Variants in MALRD1 observed in about 807,000 individuals in gnomAD.
The protein encoded by MALRD1 is MAM and LDL-receptor class A domain-containing protein 1.
MALRD1 carries 247 observed loss-of-function variants against 242.1 expected under a neutral mutation model. That is an observed-to-expected ratio of 1.02 (90% CI 0.92 to 1.13). The LOEUF (loss-of-function observed/expected upper bound fraction) is 1.13. MALRD1 is among the 50% of genes most tolerant of loss of function. MALRD1 has a pLI of 0.00. For missense variants in MALRD1, 2,989 were observed against 2,533.1 expected, an observed-to-expected ratio of 1.18 and a Z score of -3.86; for synonymous variants, 995 against 866.6, an observed-to-expected ratio of 1.15 and a Z score of -2.60.
intron 21 of MALRD1, among the ~76,000 whole-genome samples, chr10:19,312,740 A>G (rs1277962407): frequency 6.6e-6 from 1 of 151,376 alleles, no homozygotes; most frequent in Non-Finnish European, 1.5e-5. Context: ...ATAGACTCTT[A>G]GGCTGTATGC....
chr10:19,162,021 C>T (rs1834446285), intron 12 of MALRD1, among the ~76,000 whole-genome samples: 1 of 148,682 alleles, frequency 6.7e-6, no homozygotes, highest in Non-Finnish European at 1.5e-5. Flanking sequence ...GAGTGAAACT[C>T]TGTCTCAAGA....
chr10:19,159,121 G>C (rs1406963076), intron 12 of MALRD1, among the ~76,000 whole-genome samples: 1 of 152,108 alleles, frequency 6.6e-6, no homozygotes, highest in African/African-American at 2.4e-5. Flanking sequence ...CGGTTTTATT[G>C]AAGATTCTAA....
chr10:19,706,316 A>ATTTAT (rs1032779564), intron 38 of MALRD1, among the ~76,000 whole-genome samples: 1 of 152,040 alleles, frequency 6.6e-6, no homozygotes, highest in African/African-American at 2.4e-5. Flanking sequence ...TTTTATTTTC[A>ATTTAT]TTTATTTTAT....
chr10:19,445,261 T>C lies in MALRD1; in HGVS notation c.4846-5046T>C, dbSNP rs116878512. Among the ~76,000 whole-genome samples, 22 of 152,310 alleles carry C rather than the reference T, an allele frequency of 1.4e-4. No homozygotes were observed. In the East Asian group the frequency reaches 4.2e-3, roughly 29 times the overall value. Reference sequence around the variant, plus strand: ...TTGCAATGCGTTCGAACATCCTCCTTTAGCCCGGAGAAGTTTGTTGTTACC... The same window carrying C: ...TTGCAATGCGTTCGAACATCCTCCTCTAGCCCGGAGAAGTTTGTTGTTACC... On this transcript the variant is annotated intron_variant, in intron 28 of 39. Coordinates refer to ENST00000454679, the MANE Select transcript of MALRD1 (RefSeq NM_001142308.3).
chr10:19,206,562 GATAATGCGAGT>G (rs1209249040), intron 17 of MALRD1, among the ~76,000 whole-genome samples: 2 of 152,174 alleles, frequency 1.3e-5, no homozygotes, highest in Admixed American at 6.5e-5. Context: ...AGTAGGATGT[GATAATGCGAGT>G]ACAACTATAG....
At chr10:19,649,585 T>C (rs1446605609) in intron 36 of MALRD1, among the ~76,000 whole-genome samples, 1 of 152,210 alleles carries the variant, frequency 6.6e-6, no homozygotes, top group Non-Finnish European at 1.5e-5. Flanking sequence ...GAGTTGTTTT[T>C]CTCTTGTAAC....
At chr10:19,053,386 G>A (rs760640442) in intron 1 of MALRD1, among the ~76,000 whole-genome samples, 2 of 152,104 alleles carry the variant, frequency 1.3e-5, no homozygotes, top group Admixed American at 6.6e-5. Flanking sequence ...ACTTGAATCC[G>A]GTGCATGCCT....
In MALRD1 at chr10:19,331,391, G is replaced by C. The variant is rs1362031753; in HGVS notation, c.3710G>C (p.Gly1237Ala). ...HTQIVFRAKR[G>A]ISYIGDVAVD... ...TAGATTGTCTTCAGAGCCAAACGTG[G>C]TATCAGTTACATAGGAGATGTAGCA... The change falls in exon 24 of 40, where the codon GGT becomes GCT. Residue 1237 changes from glycine (G) to alanine (A), a missense_variant. Transcript: ENST00000454679. The C allele has an allele frequency of 3.9e-6, 6 of 1,550,214 alleles. No individual in the cohort carries two copies. The Admixed American group carries it at 5.9e-5, about 15-fold the overall frequency.
chr10:19,719,246 A>ATGTG lies in MALRD1; in HGVS notation c.6315-11459_6315-11458insGTGT, dbSNP rs1264659279. ...TACATATATATATATATATATATAT[A>ATGTG]TATATATATATATGCTATCAAATAT... On this transcript the variant is annotated intron_variant, in intron 38 of 39. Transcript: ENST00000454679. 3.9e-3 allele frequency among the ~76,000 whole-genome samples: 518 copies of ATGTG among 134,402 alleles called. 12 individuals are homozygous for ATGTG. Among genetic ancestry groups the ATGTG allele is most frequent in the African/African-American group, 7.2e-3 (253 of 35,194 alleles). The allele number at this position is 134,402 out of a possible 152,430, so 88.2% of individuals were successfully genotyped here. A position where few individuals can be genotyped will look rare whatever the true frequency, so the allele number is the denominator to read the frequency against.
intron 5 of MALRD1, among the ~76,000 whole-genome samples, chr10:19,123,063 A>G (rs1837122275): frequency 6.6e-6 from 1 of 152,168 alleles, no homozygotes; most frequent in Non-Finnish European, 1.5e-5. Flanking sequence ...AAAGCTCCAG[A>G]GAAAGCAGTT....
In MALRD1 at chr10:19,683,658, C is replaced by A. The variant is rs117547761; in HGVS notation, c.6138-8624C>A. Among the ~76,000 whole-genome samples the A allele has an allele frequency of 2.6e-3, 394 of 152,210 alleles. 6 individuals carry two copies. The East Asian group carries it at 0.058, about 23-fold the overall frequency. On this transcript the variant is annotated intron_variant, in intron 36 of 39. Transcript: ENST00000454679. ...AATGTGATAAACGGACATTTTCAGA[C>A]CTTTACAGCCAGAAATTTATTATGT...
At chr10:19,501,668 A>T (rs1837978116) in intron 31 of MALRD1, among the ~76,000 whole-genome samples, 1 of 152,202 alleles carries the variant, frequency 6.6e-6, no homozygotes, top group Non-Finnish European at 1.5e-5. Context: ...AAGGATACAT[A>T]CTTGTTTATT....
At chr10:19,523,668 A>G (rs1331476978) in intron 31 of MALRD1, among the ~76,000 whole-genome samples, 2 of 152,194 alleles carry the variant, frequency 1.3e-5, no homozygotes, top group Non-Finnish European at 2.9e-5. Context: ...TGTAACTTAT[A>G]GGAAATGGCA....
intron 19 of MALRD1, among the ~76,000 whole-genome samples, chr10:19,258,551 C>T (rs1839615320): frequency 6.6e-6 from 1 of 152,154 alleles, no homozygotes; most frequent in South Asian, 2.1e-4. Flanking sequence ...ACGTAACATT[C>T]ATCCCTGCTC....
Position 19,108,387 on chromosome 10 carries a change from C to CTTTTTT in MALRD1, c.694+4345_694+4350dup, listed in dbSNP as rs35948766. ...TTATTGAGCTCATGAATTGTTTTTT[C>CTTTTTT]TTTTTTTTTTTTTTTTTTTTTTTTT... On this transcript the variant is annotated intron_variant, in intron 5 of 39. Coordinates refer to ENST00000454679, the MANE Select transcript of MALRD1 (RefSeq NM_001142308.3). Among the ~76,000 whole-genome samples, 38 of 19,764 alleles carry CTTTTTT rather than the reference C, an allele frequency of 1.9e-3. 19 individuals are homozygous for CTTTTTT. Among genetic ancestry groups the CTTTTTT allele is most frequent in the East Asian group, 2.8e-3 (2 of 726 alleles). 13.0% of individuals were successfully genotyped at this position (19,764 alleles called of 152,430 possible). A position where few individuals can be genotyped will look rare whatever the true frequency, so the allele number is the denominator to read the frequency against.
chr10:19,344,177 T>A (rs1487922182), intron 24 of MALRD1, among the ~76,000 whole-genome samples: 2 of 152,104 alleles, frequency 1.3e-5, no homozygotes, highest in African/African-American at 4.8e-5. Context: ...GTTCAATGTA[T>A]TGATCTTTCC....
chr10:19,229,795 CA>C (rs142349319), intron 18 of MALRD1, among the ~76,000 whole-genome samples: 2,163 of 152,214 alleles, frequency 0.014, 43 homozygotes, highest in African/African-American at 0.05. Flanking sequence ...CTGCTGTTCC[CA>C]GAGTTTTTTG....
intron 36 of MALRD1, among the ~76,000 whole-genome samples, chr10:19,640,525 T>C (rs1589346123): frequency 6.6e-6 from 1 of 152,086 alleles, no homozygotes; most frequent in East Asian, 1.9e-4. Context: ...TAAATGTCTG[T>C]GGGGAATTTC....
At chr10:19,252,824 A>G (rs1322685739) in intron 18 of MALRD1, among the ~76,000 whole-genome samples, 2 of 152,078 alleles carry the variant, frequency 1.3e-5, no homozygotes, top group East Asian at 1.9e-4. Flanking sequence ...AGTTAGAATC[A>G]TAAAATTTGT....
Sources: gnomAD v4.1 joint callset for allele counts (sites outside exome capture counted in the v4.1 genomes callset) on GRCh38, gnomAD v4.1.1 for gene constraint, MANE v1.5 for transcripts, NCBI Gene and HGNC (gene_info 2026-07-23, HGNC 2026-07-21) for gene names.